Variants in GNAL observed in about 807,000 individuals in gnomAD.
GNAL encodes the protein G protein subunit alpha L, also known as guanine nucleotide-binding protein G(olf) subunit alpha.
A neutral mutation model predicts 55.1 loss-of-function variants in GNAL; 18 were observed. The observed-to-expected ratio is 0.33, with a 90% CI of 0.23 to 0.48. The LOEUF (loss-of-function observed/expected upper bound fraction) is 0.48. Among genes scored for constraint, GNAL ranks in the 20% least tolerant of loss-of-function variants. The probability of loss-of-function intolerance (pLI) is 0.99; values close to 1 mark genes in which losing one functional copy is unlikely to be tolerated. For synonymous variants in GNAL, 253 were observed against 237.0 expected, an observed-to-expected ratio of 1.07 and a Z score of -0.62; for missense variants, 412 against 614.1, an observed-to-expected ratio of 0.67 and a Z score of 3.48.
intron 5 of GNAL, among the ~76,000 whole-genome samples, chr18:11,842,675 A>G (rs907207969): frequency 1.3e-5 from 2 of 152,128 alleles, no homozygotes; most frequent in Non-Finnish European, 2.9e-5. Flanking sequence ...CGCTGATATG[A>G]CAGGAGGTGG....
Position 11,872,280 on chromosome 18 carries a change from C to A in GNAL, c.1044C>A (p.Thr348=), listed in dbSNP as rs138002804. ...TTTCCTTTTTTAGGTGGTTACGGACCATTTCTATCATCTTGTTCTTGAACA... is the reference window on the plus strand; with the variant it reads ...TTTCCTTTTTTAGGTGGTTACGGACAATTTCTATCATCTTGTTCTTGAACA... ...ESIWNNRWLR[T]ISIILFLNKQ... is the part of the protein sequence containing the mutation. The change falls in exon 10 of 12, where the codon ACC becomes ACA. Residue 348 remains threonine, a synonymous_variant. Transcript: ENST00000334049. 131 of 1,579,780 alleles carry A rather than the reference C, an allele frequency of 8.3e-5. No homozygotes were observed. The African/African-American group carries it at 1.5e-3, about 19-fold the overall frequency.
chr18:11,721,029 A>G lies in GNAL; in HGVS notation c.376+31090A>G, dbSNP rs139783738. Among the ~76,000 whole-genome samples, 289 of 152,342 alleles carry G rather than the reference A, an allele frequency of 1.9e-3. 2 individuals carry two copies. Among genetic ancestry groups the G allele is most frequent in the African/African-American group, 6.2e-3 (256 of 41,580 alleles). ...AATTTTCAAAGCAATTCAGTGTTCA[A>G]TAATGGAGATTGTCAAAGGTTCTTC... On this transcript the variant is annotated intron_variant, in intron 1 of 11. Coordinates refer to ENST00000334049, the MANE Select transcript of GNAL (RefSeq NM_182978.4).
intron 1 of GNAL, among the ~76,000 whole-genome samples, chr18:11,695,585 A>G (rs1041297213): frequency 1.3e-5 from 2 of 152,128 alleles, no homozygotes; most frequent in Admixed American, 1.3e-4. Flanking sequence ...TTCATCTTTC[A>G]TTGACTGTGT....
intron 2 of GNAL, chr18:11,753,402 T>G: frequency 2.0e-6 from 1 of 503,916 alleles, no homozygotes; most frequent in East Asian, 3.3e-5. Context: ...AAGCTATAGA[T>G]TTTTAAAAAA....
In GNAL at chr18:11,884,536, A is replaced by T. The variant is rs369484872; in HGVS notation, c.*3401A>T. On this transcript the variant is annotated 3_prime_UTR_variant, in exon 12 of 12. Transcript: ENST00000334049. Reference sequence around the variant, plus strand: ...GTGAGTGAGTGTGAGGACCACAAGGAAGCCCACCACTCCACAGTAGATGAT... The same window carrying T: ...GTGAGTGAGTGTGAGGACCACAAGGTAGCCCACCACTCCACAGTAGATGAT... 81 of 1,613,990 alleles carry T rather than the reference A, an allele frequency of 5.0e-5. No homozygotes were observed. Among genetic ancestry groups the T allele is most frequent in the Non-Finnish European group, 6.7e-5 (79 of 1,180,020 alleles).
intron 1 of GNAL, among the ~76,000 whole-genome samples, chr18:11,703,795 G>GCGCGCACACACACACA (rs1311432181): frequency 1.4e-5 from 2 of 141,410 alleles, no homozygotes; most frequent in African/African-American, 5.3e-5. Flanking sequence ...GTGTTGATGG[G>GCGCGCACACACACACA]CACACACACA....
chr18:11,807,694 T>G (rs1036655166), intron 4 of GNAL, among the ~76,000 whole-genome samples: 1 of 152,000 alleles, frequency 6.6e-6, no homozygotes, highest in Non-Finnish European at 1.5e-5. Context: ...CCATTTGGAG[T>G]CACTAGTATA....
At chr18:11,878,398 CTA>C (rs2143927547) in intron 11 of GNAL, among the ~76,000 whole-genome samples, 1 of 152,248 alleles carries the variant, frequency 6.6e-6, no homozygotes, top group East Asian at 1.9e-4. Context: ...TGGCAGTGAG[CTA>C]TGATTGTGCC....
intron 4 of GNAL, among the ~76,000 whole-genome samples, chr18:11,792,910 TATTATTGAATAGTGTC>T (rs943978250): frequency 3.3e-5 from 5 of 152,266 alleles, no homozygotes; most frequent in African/African-American, 1.2e-4. Context: ...GGACTTGTTA[TATTATTGAATAGTGTC>T]ATTTTCCAAT....
chr18:11,876,504 T>C lies in GNAL; in HGVS notation c.1163-117T>C, dbSNP rs112028484. ...ATGTTTGTTTTTGCCTTGCTGTACA[T>C]GTATTTTAATGCTGGGAATATACAG... On this transcript the variant is annotated intron_variant, in intron 10 of 11. Transcript: ENST00000334049. 2.3e-4 allele frequency: 163 copies of C among 722,704 alleles called. No individual in the cohort carries two copies. In the African/African-American group the frequency reaches 2.5e-3, roughly 11 times the overall value. The allele number at this position is 722,704 out of a possible 1,614,324, so 44.8% of individuals were successfully genotyped here. A position where few individuals can be genotyped will look rare whatever the true frequency, so the allele number is the denominator to read the frequency against.
intron 1 of GNAL, chr18:11,746,133 G>C: frequency 1.8e-6 from 1 of 541,640 alleles, no homozygotes; most frequent in Admixed American, 1.9e-5. Context: ...TTTTGTTCTG[G>C]GACACTATGA....
In GNAL at chr18:11,824,880, CT is replaced by C. The variant is rs113286306; in HGVS notation, c.625-26del. ...TTTAACTTTTTAAAAGGTTATTACA[CT>C]TTTTTTTTTTTAATTTGTAACTCTT... On this transcript the variant is annotated intron_variant, in intron 4 of 11. Transcript: ENST00000334049. 3.8e-3 allele frequency: 3,943 copies of C among 1,026,852 alleles called. 66 individuals carry two copies. In the African/African-American group the frequency reaches 0.052, roughly 13 times the overall value. 63.6% of individuals were successfully genotyped at this position (1,026,852 alleles called of 1,614,324 possible). A position where few individuals can be genotyped will look rare whatever the true frequency, so the allele number is the denominator to read the frequency against.
chr18:11,871,715 A>T (rs1021547375), intron 9 of GNAL, among the ~76,000 whole-genome samples: 14 of 152,258 alleles, frequency 9.2e-5, no homozygotes, highest in African/African-American at 3.4e-4. Context: ...TTTCACTTCT[A>T]ATGTGAGTTT....
chr18:11,789,767 A>T (rs2034177242), intron 4 of GNAL, among the ~76,000 whole-genome samples: 1 of 152,214 alleles, frequency 6.6e-6, no homozygotes. Flanking sequence ...CCATTGATAC[A>T]TATACTGCTC....
At position 11,705,292 on chromosome 18, in the gene GNAL, T is replaced by C. The variant is rs181392949; in HGVS notation, c.376+15353T>C. 8.5e-4 allele frequency among the ~76,000 whole-genome samples: 129 copies of C among 152,350 alleles called. No individual in the cohort carries two copies. In the Middle Eastern group the frequency reaches 0.02, roughly 24 times the overall value. Reference sequence around the variant, plus strand: ...CATCTGGCTGCATTCCCTTCTTTTCTTTTTTAAGGTTGAATAATATTCCAT... The same window carrying C: ...CATCTGGCTGCATTCCCTTCTTTTCCTTTTTAAGGTTGAATAATATTCCAT... On this transcript the variant is annotated intron_variant, in intron 1 of 11. Coordinates refer to ENST00000334049, the MANE Select transcript of GNAL (RefSeq NM_182978.4).
At chr18:11,791,511 G>A (rs1178335700) in intron 4 of GNAL, among the ~76,000 whole-genome samples, 1 of 152,114 alleles carries the variant, frequency 6.6e-6, no homozygotes, top group East Asian at 1.9e-4. Flanking sequence ...TCCCCTGGGT[G>A]TTTCTCTTGG....
chr18:11,880,385 A>T (rs1000850846), intron 11 of GNAL, among the ~76,000 whole-genome samples: 5 of 152,102 alleles, frequency 3.3e-5, no homozygotes, highest in African/African-American at 1.2e-4. Context: ...CCTGGCCAAC[A>T]TGGTGACACC....
chr18:11,753,527 G>C, intron 2 of GNAL, 101 bp from the exon 3 acceptor site: 1 of 772,004 alleles, frequency 1.3e-6, no homozygotes, highest in East Asian at 2.6e-5. Context: ...AGTGAAACCA[G>C]TCTAGGTCAG....
chr18:11,717,104 TAA>T (rs2031987156), intron 1 of GNAL, among the ~76,000 whole-genome samples: 1 of 152,246 alleles, frequency 6.6e-6, no homozygotes, highest in South Asian at 2.1e-4. Flanking sequence ...GGAAGGCAGC[TAA>T]GGCCCAGGGA....
Sources: gnomAD v4.1 joint callset for allele counts (sites outside exome capture counted in the v4.1 genomes callset) on GRCh38, gnomAD v4.1.1 for gene constraint, MANE v1.5 for transcripts, NCBI Gene and HGNC (gene_info 2026-07-23, HGNC 2026-07-21) for gene names.